TIAM2: variants seen among roughly 807,000 people sequenced by gnomAD.
TIAM2 encodes rho guanine nucleotide exchange factor TIAM2.
A neutral mutation model predicts 152.9 loss-of-function variants in TIAM2; 80 were observed. The ratio of observed to expected loss-of-function variants is 0.52; its 90% confidence interval spans 0.44 to 0.63. TIAM2 has a LOEUF of 0.63. Ranked by LOEUF, TIAM2 falls within the 30% of genes least tolerant of loss-of-function variation. The pLI is 0.00. For synonymous variants in TIAM2, 804 were observed against 838.0 expected (o/e 0.96, Z 0.70); for missense variants, 1,965 against 2,120.1 (o/e 0.93, Z 1.44).
chr6:155,056,813 G>A (rs1363797638), intron 1 of TIAM2, among the ~76,000 whole-genome samples: 9 of 151,346 alleles, frequency 5.9e-5, no homozygotes, highest in South Asian at 2.1e-4. Context: ...GCCCATATTC[G>A]ATTCTCATTT....
intron 1 of TIAM2, among the ~76,000 whole-genome samples, chr6:155,029,490 G>C (rs1403078375): frequency 0.037 from 1,133 of 30,380 alleles, 74 homozygotes; most frequent in African/African-American, 0.068. Context: ...ATATACTATA[G>C]TATATATTAT....
At chr6:155,198,309 C>A (rs1017396373) in intron 14 of TIAM2, among the ~76,000 whole-genome samples, 6 of 152,162 alleles carry the variant, frequency 3.9e-5, no homozygotes, top group African/African-American at 1.4e-4. Flanking sequence ...CAGCACAATT[C>A]TTGATAAAAA....
intron 2 of TIAM2, among the ~76,000 whole-genome samples, chr6:155,126,646 G>A (rs1416784283): frequency 5.3e-5 from 8 of 152,120 alleles, no homozygotes; most frequent in Middle Eastern, 3.4e-3. Context: ...TAGGAGAATC[G>A]CTTGAACCCA....
At chr6:155,130,867 C>G (rs1779430129) in intron 4 of TIAM2, among the ~76,000 whole-genome samples, 1 of 152,166 alleles carries the variant, frequency 6.6e-6, no homozygotes, top group Non-Finnish European at 1.5e-5. Context: ...TATAAGGACC[C>G]TAATCCCATC....
chr6:155,078,909 T>G (rs1354342149), intron 1 of TIAM2, among the ~76,000 whole-genome samples: 1 of 152,228 alleles, frequency 6.6e-6, no homozygotes, highest in Non-Finnish European at 1.5e-5. Flanking sequence ...TTCCTCTAGT[T>G]TGACTTGATG....
At position 155,130,747 on chromosome 6, in the gene TIAM2, A is replaced by C. The variant is rs183129345; in HGVS notation, c.1194+330A>C. 3.0e-3 allele frequency among the ~76,000 whole-genome samples: 457 copies of C among 152,296 alleles called. 2 individuals carry two copies. The highest frequency in any genetic ancestry group is 0.01 in the African/African-American group (433 of 41,568). On this transcript the variant is annotated intron_variant, in intron 4 of 26. Coordinates refer to ENST00000682666, the MANE Select transcript of TIAM2 (RefSeq NM_012454.4). The stretch of plus-strand genomic sequence containing the variant: ...GCTGGAAGTCAGAGGTCAGAGTGCC[A>C]GTGTGGTCCGATTCTGGGGAGGGCT...
intron 1 of TIAM2, among the ~76,000 whole-genome samples, chr6:155,059,315 TGTGTGTGTGTGCGC>T (rs1239521175): frequency 1.3e-5 from 2 of 148,320 alleles, no homozygotes; most frequent in Non-Finnish European, 3.0e-5. Context: ...TGTGTGTGTG[TGTGTGTGTGTGCGC>T]GTGTATGTTT....
At chr6:155,143,608 C>T (rs964584080) in intron 5 of TIAM2, among the ~76,000 whole-genome samples, 6 of 152,144 alleles carry the variant, frequency 3.9e-5, no homozygotes, top group Admixed American at 3.3e-4. Flanking sequence ...GCAAAGTCCC[C>T]TAGGTATGTT....
chr6:155,123,093 A>G (rs919075269), intron 2 of TIAM2, among the ~76,000 whole-genome samples: 14 of 152,176 alleles, frequency 9.2e-5, no homozygotes, highest in Admixed American at 5.9e-4. Flanking sequence ...CCTCAGGGAC[A>G]ATAATTACTT....
chr6:155,137,714 GA>G, intron 5 of TIAM2, 102 bp downstream of exon 5: 1 of 1,322,936 alleles, frequency 7.6e-7, no homozygotes, highest in Non-Finnish European at 1.0e-6. Context: ...GAGTTCACAT[GA>G]GGGGTTTGAC....
chr6:155,099,158 G>A (rs1403932954), intron 2 of TIAM2, among the ~76,000 whole-genome samples: 1 of 151,986 alleles, frequency 6.6e-6, no homozygotes, highest in East Asian at 1.9e-4. Flanking sequence ...CTGCACTCCA[G>A]CCTGGGCAAC....
Position 155,179,025 on chromosome 6 carries a change from C to G in TIAM2, c.2524-14C>G. ...GAGCATTTAAAATCTGAATAACTGT[C>G]TTTTTCTTTATAGATGAGGCAGTTG... is the stretch of plus-strand genomic sequence containing the variant. On this transcript the variant is annotated splice_polypyrimidine_tract_variant and intron_variant, in intron 10 of 26. Coordinates refer to ENST00000682666, the MANE Select transcript of TIAM2 (RefSeq NM_012454.4). 5 of 1,594,348 alleles carry G rather than the reference C, an allele frequency of 3.1e-6. No individual in the cohort carries two copies. The highest frequency in any genetic ancestry group is 3.4e-6 in the Non-Finnish European group (4 of 1,166,038).
chr6:155,183,204 C>T, intron 13 of TIAM2, 33 bp from the exon 14 acceptor site: 2 of 1,601,626 alleles, frequency 1.2e-6, no homozygotes, highest in Non-Finnish European at 8.5e-7. Context: ...TAATCCCTCT[C>T]TCTTTTTTCT....
intron 2 of TIAM2, among the ~76,000 whole-genome samples, chr6:155,090,943 T>C (rs76791489): frequency 0.019 from 2,887 of 152,250 alleles, 141 homozygotes; most frequent in Admixed American, 0.12. Flanking sequence ...GGTTAAGTAC[T>C]AAAGCAGGAA....
At chr6:155,154,634 C>T (rs564393270) in intron 7 of TIAM2, among the ~76,000 whole-genome samples, 142 of 152,308 alleles carry the variant, frequency 9.3e-4, no homozygotes, top group Middle Eastern at 3.4e-3. Context: ...AAAACCTCAC[C>T]ACCCTTAGGC....
rs767449415 is a variant in TIAM2 at position 155,041,435 on chromosome 6, A to AT, written c.-209+45948dup. Among the ~76,000 whole-genome samples the AT allele has an allele frequency of 7.6e-4, 116 of 152,256 alleles. 1 individual carries two copies. The highest frequency in any genetic ancestry group is 7.1e-4 in the Non-Finnish European group (48 of 68,022). ...CCATGGGTTTGAGTTTTGCCAAATT[A>AT]TTTTTGGCTGGCTTCATACTCACTC... On this transcript the variant is annotated intron_variant, in intron 1 of 26. Transcript: ENST00000682666.
In TIAM2 at chr6:155,011,608, T is replaced by C. The variant is rs185206389; in HGVS notation, c.-209+16116T>C. Among the ~76,000 whole-genome samples, 360 of 152,354 alleles carry C rather than the reference T, an allele frequency of 2.4e-3. 2 individuals carry two copies. Among genetic ancestry groups the C allele is most frequent in the Non-Finnish European group, 4.8e-3 (328 of 68,030 alleles). On this transcript the variant is annotated intron_variant, in intron 1 of 26. Coordinates refer to ENST00000682666, the MANE Select transcript of TIAM2 (RefSeq NM_012454.4). ...GGTTTGCCCTGTGACTGGTATATAATTTAAACATGTGCTAAGCATAATTTT... is the reference window on the plus strand; with the variant it reads ...GGTTTGCCCTGTGACTGGTATATAACTTAAACATGTGCTAAGCATAATTTT...
intron 20 of TIAM2, 69 bp from the exon 21 acceptor site, chr6:155,249,782 A>G: frequency 2.2e-6 from 3 of 1,334,736 alleles, no homozygotes; most frequent in Non-Finnish European, 3.1e-6. Context: ...GACTCCATTC[A>G]TTATTACTGT....
chr6:155,042,331 G>T (rs1287464936), intron 1 of TIAM2, among the ~76,000 whole-genome samples: 3 of 152,092 alleles, frequency 2.0e-5, no homozygotes, highest in Non-Finnish European at 4.4e-5. Flanking sequence ...GCAAGCAGGG[G>T]CTGGGCACGG....
Sources: allele counts gnomAD v4.1 joint callset (sites outside exome capture counted in the v4.1 genomes callset), GRCh38; gene constraint gnomAD v4.1.1; transcripts MANE v1.5; gene names NCBI Gene and HGNC (gene_info 2026-07-23, HGNC 2026-07-21).